The following PCDHGB4 variants were observed in gnomAD, a reference collection of about 807,000 sequenced individuals.
The protein encoded by PCDHGB4 is protocadherin gamma-B4.
Under a neutral mutation model 60.5 loss-of-function variants are expected in PCDHGB4, and 38 were observed. The ratio of observed to expected loss-of-function variants is 0.63; its 90% CI spans 0.48 to 0.82. The LOEUF (loss-of-function observed/expected upper bound fraction) is 0.82, where lower values mean the gene tolerates loss of function less well. Among genes scored for constraint, PCDHGB4 ranks in the 40% least tolerant of loss-of-function variants. The pLI is 0.00. For missense variants in PCDHGB4, 1,109 were observed against 1,209.6 expected, an observed-to-expected ratio of 0.92 and a Z score of 1.23; for synonymous variants, 456 against 509.7, an observed-to-expected ratio of 0.89 and a Z score of 1.42.
At chr5:141,395,070 T>C (rs1222192652) in intron 1 of PCDHGB4, 1 of 1,614,158 alleles carries the variant, frequency 6.2e-7, no homozygotes, top group Non-Finnish European at 8.5e-7. Context: ...CCTGCAGACC[T>C]ATTCCCAGGA....
At chr5:141,426,442 G>A (rs1205822455) in intron 1 of PCDHGB4, 9 of 306,752 alleles carry the variant, frequency 2.9e-5, no homozygotes, top group African/African-American at 4.3e-5. Context: ...CCTTGCGGAG[G>A]ACATGCGGCT....
Position 141,450,631 on chromosome 5 carries a change from T to C in PCDHGB4, c.2398-44176T>C, listed in dbSNP as rs554043866. 6.1e-5 allele frequency among the ~76,000 whole-genome samples: 9 copies of C among 148,320 alleles called. No homozygotes were observed. In the East Asian group the frequency reaches 1.9e-3, roughly 31 times the overall value. Reference sequence around the variant, plus strand: ...CCTCCTGAGTAGCTGGGATTACAGATGCCTGCCACCATGCCTGGCTAATTT... The same window carrying C: ...CCTCCTGAGTAGCTGGGATTACAGACGCCTGCCACCATGCCTGGCTAATTT... On this transcript the variant is annotated intron_variant, in intron 1 of 3. Transcript: ENST00000519479.
intron 1 of PCDHGB4, chr5:141,410,392 T>C: frequency 6.2e-7 from 1 of 1,614,050 alleles, no homozygotes; most frequent in African/African-American, 1.3e-5. Flanking sequence ...TCCATCCTGG[T>C]CTCTGTGTCA....
intron 1 of PCDHGB4, chr5:141,421,719 C>T (rs2096595246): frequency 6.2e-7 from 1 of 1,613,942 alleles, no homozygotes; most frequent in Non-Finnish European, 8.5e-7. Flanking sequence ...CAGATGTGGG[C>T]GTGAACTCCC....
chr5:141,497,031 A>G (rs898409925), intron 2 of PCDHGB4, among the ~76,000 whole-genome samples: 14 of 152,184 alleles, frequency 9.2e-5, no homozygotes, highest in African/African-American at 3.4e-4. Context: ...TCGATTAAAA[A>G]TACAAAAATT....
intron 1 of PCDHGB4, among the ~76,000 whole-genome samples, chr5:141,471,046 CT>C (rs1170588345): frequency 0.24 from 27,253 of 113,216 alleles, 2,739 homozygotes; most frequent in African/African-American, 0.39. Context: ...CCCAAGCCCT[CT>C]TTTTTTTTTT....
intron 1 of PCDHGB4, chr5:141,478,531 C>G (rs771145308): frequency 1.2e-6 from 2 of 1,608,190 alleles, no homozygotes; most frequent in East Asian, 2.2e-5. Context: ...GTGCAGAGAG[C>G]GCCCCTCCCG....
chr5:141,399,794 C>G, intron 1 of PCDHGB4: 1 of 1,613,268 alleles, frequency 6.2e-7, no homozygotes, highest in South Asian at 1.1e-5. Flanking sequence ...GACAACGCAC[C>G]GCGGGTGCTG....
intron 1 of PCDHGB4, chr5:141,417,798 C>G (rs2096163233): frequency 6.7e-7 from 1 of 1,486,352 alleles, no homozygotes; most frequent in African/African-American, 1.4e-5. Flanking sequence ...GCTCTTTTAG[C>G]GCGGTAGAGT....
At chr5:141,460,043 A>G (rs527752346) in intron 1 of PCDHGB4, among the ~76,000 whole-genome samples, 1 of 152,276 alleles carries the variant, frequency 6.6e-6, no homozygotes, top group South Asian at 2.1e-4. Context: ...GCACCACTGC[A>G]CTCCAGCCTG....
chr5:141,433,460 T>C (rs892333304), intron 1 of PCDHGB4, among the ~76,000 whole-genome samples: 1 of 152,064 alleles, frequency 6.6e-6, no homozygotes, highest in Non-Finnish European at 1.5e-5. Context: ...GATCTGAAAC[T>C]TGGGCTCAGG....
At position 141,388,401 on chromosome 5, in the gene PCDHGB4, A is replaced by G. The variant is rs1243768242; in HGVS notation, c.517A>G (p.Ser173Gly). The G allele has an allele frequency of 6.2e-7, 1 of 1,613,908 alleles. No individual in the cohort carries two copies. The highest frequency in any genetic ancestry group is 8.5e-7 in the Non-Finnish European group (1 of 1,179,902). The change falls in exon 1 of 4, where the codon AGT becomes GGT. Residue 173 changes from serine to glycine, a missense_variant. This residue lies in a region of PCDHGB4 where 1,068 missense variants were observed against 1,089.9 expected (regional missense o/e 0.98). Transcript: ENST00000519479. ...CAACACACTGCAGAATTACCAACTC[A>G]GTCCCAGTGATCATTTCTCACTGAT... The part of the protein sequence containing the change: ...GSNTLQNYQL[S>G]PSDHFSLINK...
rs1219045744 is a variant in PCDHGB4 at position 141,476,783 on chromosome 5, G to T, written c.2398-18024G>T. The stretch of plus-strand genomic sequence containing the variant: ...GACGGCGTTGGACGGAGGGACCCCA[G>T]CTCTCTCCGCCAGCCTGCCTATTCA... On this transcript the variant is annotated intron_variant, in intron 1 of 3. Transcript: ENST00000519479. The surrounding 1 kb of genome is among the most constrained non-coding windows in gnomAD (Gnocchi z 7.6). 5 of 1,613,392 alleles carry T rather than the reference G, an allele frequency of 3.1e-6. No homozygotes were observed. The highest frequency in any genetic ancestry group is 2.7e-5 in the African/African-American group (2 of 74,930).
chr5:141,403,358 G>A (rs1031210052), intron 1 of PCDHGB4: 1 of 1,614,026 alleles, frequency 6.2e-7, no homozygotes. Flanking sequence ...GTTCCAGGCC[G>A]AAAGTCTGGA....
intron 1 of PCDHGB4, chr5:141,405,001 C>A: frequency 1.9e-6 from 3 of 1,614,008 alleles, no homozygotes; most frequent in Non-Finnish European, 2.5e-6. Flanking sequence ...TCCCTGCAGA[C>A]CTGGAGGCCT....
At chr5:141,408,003 C>G in intron 1 of PCDHGB4, 1 of 917,520 alleles carries the variant, frequency 1.1e-6, no homozygotes, top group Non-Finnish European at 1.6e-6. Flanking sequence ...GCCTGGGATT[C>G]CCTGCGCAGC....
intron 1 of PCDHGB4, chr5:141,393,048 C>A (rs745354934): frequency 3.7e-6 from 6 of 1,613,672 alleles, no homozygotes; most frequent in Non-Finnish European, 5.1e-6. Flanking sequence ...TGCTCTGAAC[C>A]CGCGCAGCGG....
chr5:141,413,910 C>T, intron 1 of PCDHGB4: 1 of 1,613,376 alleles, frequency 6.2e-7, no homozygotes, highest in Non-Finnish European at 8.5e-7. Flanking sequence ...ACGCGCCGGT[C>T]TTCACCTTGC....
rs1033888717 is a variant in PCDHGB4 at position 141,512,540 on chromosome 5, T to C, written c.*1367T>C. 6.5e-6 allele frequency: 1 copy of C among 152,886 alleles called. No homozygotes were observed. Among genetic ancestry groups the C allele is most frequent in the African/African-American group, 2.4e-5 (1 of 41,476 alleles). 9.5% of individuals were successfully genotyped at this position (152,886 alleles called of 1,614,324 possible). ...CCATAGCCTGGTTAAAGTTCCCCAGTGCCTCCTTGTGCATAGACCTTCTTC... is the reference window on the plus strand; with the variant it reads ...CCATAGCCTGGTTAAAGTTCCCCAGCGCCTCCTTGTGCATAGACCTTCTTC... On this transcript the variant is annotated 3_prime_UTR_variant, in exon 4 of 4. Transcript: ENST00000519479.
Sources: gnomAD v4.1 joint callset for allele counts (sites outside exome capture counted in the v4.1 genomes callset) on GRCh38, gnomAD v4.1.1 for gene constraint, gnomAD v4.1.1 regional missense constraint, Gnocchi (gnomAD v3.1) non-coding constraint, MANE v1.5 for transcripts, NCBI Gene and HGNC (gene_info 2026-07-23, HGNC 2026-07-21) for gene names.